The following RYR3 variants were observed in gnomAD, a reference collection of about 807,000 sequenced individuals.
RYR3 encodes ryanodine receptor 3, also known as brain ryanodine receptor-calcium release channel.
A neutral mutation model predicts 584.3 loss-of-function variants in RYR3; 207 were observed. That is an observed-to-expected ratio of 0.35 (90% confidence interval 0.32 to 0.40). The LOEUF (loss-of-function observed/expected upper bound fraction) is 0.40. Among genes scored for constraint, RYR3 ranks in the 10% least tolerant of loss-of-function variants. RYR3 has a pLI of 1.00. For synonymous variants in RYR3, 2,416 were observed against 2,248.5 expected (o/e 1.07, Z -2.11); for missense variants, 5,616 against 6,089.2 (o/e 0.92, Z 2.59).
intron 2 of RYR3, among the ~76,000 whole-genome samples, chr15:33,503,123 A>G (rs538341287): frequency 4.0e-4 from 61 of 152,322 alleles, no homozygotes; most frequent in African/African-American, 1.4e-3. Context: ...TGATTATGCT[A>G]TATTTATATA....
chr15:33,345,618 T>C (rs148504014), intron 1 of RYR3, among the ~76,000 whole-genome samples: 64 of 152,274 alleles, frequency 4.2e-4, no homozygotes, highest in African/African-American at 1.5e-3. Context: ...TACTCTGCCA[T>C]GCAGAGTACA....
chr15:33,369,977 T>C (rs1317242), intron 1 of RYR3, among the ~76,000 whole-genome samples: 16,801 of 152,266 alleles, frequency 0.11, 1,207 homozygotes, highest in East Asian at 0.37. Flanking sequence ...GCCTAGCACA[T>C]GGAAAATGCT....
At chr15:33,620,895 T>C (rs1429316725) in intron 19 of RYR3, among the ~76,000 whole-genome samples, 1 of 152,232 alleles carries the variant, frequency 6.6e-6, no homozygotes, top group Non-Finnish European at 1.5e-5. Context: ...CAGGACCTTT[T>C]CTTCTACCCA....
Position 33,815,039 on chromosome 15 carries a change from C to T in RYR3, c.10502+1460C>T, listed in dbSNP as rs1345818076. ...GAACAGAGGTAACACCACTGCACTC[C>T]AGCCTGGGTGACAGAACGAGACTCT... On this transcript the variant is annotated intron_variant, in intron 74 of 103. Transcript: ENST00000634891. Among the ~76,000 whole-genome samples the T allele has an allele frequency of 2.7e-5, 4 of 148,462 alleles. No individual in the cohort carries two copies. The South Asian group carries it at 6.4e-4, about 24-fold the overall frequency.
At chr15:33,318,177 G>T (rs1293553684) in intron 1 of RYR3, among the ~76,000 whole-genome samples, 1 of 152,218 alleles carries the variant, frequency 6.6e-6, no homozygotes, top group Non-Finnish European at 1.5e-5. Context: ...GTGCAGAATT[G>T]TACAGGCCAT....
intron 32 of RYR3, among the ~76,000 whole-genome samples, chr15:33,653,584 C>T (rs770216220): frequency 6.6e-6 from 1 of 151,682 alleles, no homozygotes; most frequent in Non-Finnish European, 1.5e-5. Context: ...GCAGGAGAAT[C>T]GCTTGAACCT....
intron 12 of RYR3, among the ~76,000 whole-genome samples, chr15:33,572,575 A>T (rs111563916): frequency 6.6e-6 from 1 of 150,894 alleles, no homozygotes; most frequent in Non-Finnish European, 1.5e-5. Context: ...GGGGAGGGAG[A>T]TGGAAGCATC....
intron 22 of RYR3, among the ~76,000 whole-genome samples, chr15:33,630,439 C>A (rs2061208492): frequency 6.6e-6 from 1 of 152,210 alleles, no homozygotes. Context: ...ACCCATGGGC[C>A]TAATTTAGAC....
chr15:33,464,739 G>A (rs1255835419), intron 1 of RYR3, among the ~76,000 whole-genome samples: 3 of 151,810 alleles, frequency 2.0e-5, no homozygotes, highest in South Asian at 2.1e-4. Context: ...CTTTGTGTGT[G>A]TGTGATAACA....
intron 99 of RYR3, 139 bp from the exon 100 acceptor site, chr15:33,859,435 GA>G (rs1342286279): frequency 1.3e-6 from 1 of 790,822 alleles, no homozygotes; most frequent in African/African-American, 1.7e-5. Context: ...CTAGCAGCAT[GA>G]ATACTGGCAC....
chr15:33,706,703 G>A (rs2066744535), intron 42 of RYR3, among the ~76,000 whole-genome samples: 1 of 152,172 alleles, frequency 6.6e-6, no homozygotes, highest in Non-Finnish European at 1.5e-5. Context: ...ACCCAGAAGT[G>A]AAATTGCTGG....
intron 1 of RYR3, among the ~76,000 whole-genome samples, chr15:33,329,739 A>G (rs974711678): frequency 6.6e-6 from 1 of 152,120 alleles, no homozygotes; most frequent in Non-Finnish European, 1.5e-5. Context: ...AGGATAGTCT[A>G]TTTTTCATTT....
At chr15:33,709,727 G>A (rs1596269663) in intron 43 of RYR3, among the ~76,000 whole-genome samples, 1 of 152,132 alleles carries the variant, frequency 6.6e-6, no homozygotes, top group East Asian at 1.9e-4. Flanking sequence ...CCAGAATCAT[G>A]AGCCAAATAA....
At chr15:33,778,851 A>G (rs2074199427) in intron 64 of RYR3, among the ~76,000 whole-genome samples, 1 of 152,218 alleles carries the variant, frequency 6.6e-6, no homozygotes, top group African/African-American at 2.4e-5. Context: ...GGACCTGTCA[A>G]TCCAGTGTTG....
Position 33,311,765 on chromosome 15 carries a change from C to T in RYR3, c.51+669C>T, listed in dbSNP as rs1356984145. 6.6e-6 allele frequency among the ~76,000 whole-genome samples: 1 copy of T among 152,250 alleles called. No homozygotes were observed. Among genetic ancestry groups the T allele is most frequent in the African/African-American group, 2.4e-5 (1 of 41,462 alleles). On this transcript the variant is annotated intron_variant, in intron 1 of 103. Coordinates refer to ENST00000634891, the MANE Select transcript of RYR3 (RefSeq NM_001036.6). The surrounding 1 kb of genome is among the most constrained non-coding windows in gnomAD (Gnocchi z 4.4). ...GGCTTCTGCTCCTGGCTCCCGCGAG[C>T]CCCGCAGGACAGGGAAACCCCAGTC...
intron 1 of RYR3, among the ~76,000 whole-genome samples, chr15:33,451,082 G>A (rs1205205237): frequency 6.6e-6 from 1 of 152,060 alleles, no homozygotes; most frequent in Admixed American, 6.6e-5. Context: ...TGTAGCTTTG[G>A]GTAAATGACA....
intron 1 of RYR3, among the ~76,000 whole-genome samples, chr15:33,437,280 C>T (rs961794077): frequency 1.3e-5 from 2 of 152,180 alleles, no homozygotes; most frequent in African/African-American, 4.8e-5. Context: ...AGCAGCTCAG[C>T]AGTGTCATCA....
At chr15:33,526,772 C>G (rs1258479020) in intron 3 of RYR3, among the ~76,000 whole-genome samples, 1 of 152,016 alleles carries the variant, frequency 6.6e-6, no homozygotes, top group Non-Finnish European at 1.5e-5. Flanking sequence ...GAGGATACAA[C>G]ATGGTCATGG....
At chr15:33,541,042 C>T (rs914162259) in intron 7 of RYR3, among the ~76,000 whole-genome samples, 152 bp downstream of exon 7, 4 of 152,092 alleles carry the variant, frequency 2.6e-5, no homozygotes, top group East Asian at 1.9e-4. Context: ...TCTCTGAATT[C>T]AGTACAGATT....
Sources: gnomAD v4.1 joint callset for allele counts (sites outside exome capture counted in the v4.1 genomes callset) on GRCh38, gnomAD v4.1.1 for gene constraint, Gnocchi (gnomAD v3.1) non-coding constraint, MANE v1.5 for transcripts, NCBI Gene and HGNC (gene_info 2026-07-23, HGNC 2026-07-21) for gene names.